WDR72: variants seen among roughly 807,000 people sequenced by gnomAD.
WDR72 encodes the protein WD repeat-containing protein 72.
A neutral mutation model predicts 124.2 loss-of-function variants in WDR72; 120 were observed. That is an observed-to-expected ratio of 0.97 (90% CI 0.83 to 1.12). The LOEUF (loss-of-function observed/expected upper bound fraction) is 1.12, where lower values mean the gene tolerates loss of function less well. Ranked by LOEUF, WDR72 falls within the 50% of genes most tolerant of loss-of-function variation. WDR72 has a pLI of 0.00. For synonymous variants in WDR72, 452 were observed against 441.7 expected (o/e 1.02, Z -0.29); for missense variants, 1,387 against 1,278.8 (o/e 1.08, Z -1.29).
intron 18 of WDR72, among the ~76,000 whole-genome samples, chr15:53,538,990 T>C (rs952811755): frequency 1.3e-5 from 2 of 151,942 alleles, no homozygotes; most frequent in African/African-American, 4.8e-5. Flanking sequence ...AATTTCAAAA[T>C]AGTGATAGAA....
intron 1 of WDR72, among the ~76,000 whole-genome samples, chr15:53,757,663 A>AG (rs71132756): frequency 0.013 from 1,920 of 152,050 alleles, 36 homozygotes; most frequent in African/African-American, 0.045. Flanking sequence ...ATTAAAAAAA[A>AG]GAATTATTCA....
At position 53,516,050 on chromosome 15, in the gene WDR72, C is replaced by T. The variant is rs1157209541; in HGVS notation, c.*1649G>A. The stretch of plus-strand genomic sequence containing the variant: ...TATAATCCATCGCCTAACTTGCTAC[C>T]TTCCTTTATTTTGAAACTTGTTTGA... On this transcript the variant is annotated 3_prime_UTR_variant, in exon 20 of 20. Coordinates refer to ENST00000360509, the MANE Select transcript of WDR72 (RefSeq NM_182758.4). 1 of 152,044 alleles carries T rather than the reference C, an allele frequency of 6.6e-6. No homozygotes were observed. The highest frequency in any genetic ancestry group is 1.5e-5 in the Non-Finnish European group (1 of 67,972). The allele number at this position is 152,044 out of a possible 1,614,324, so 9.4% of individuals were successfully genotyped here.
rs151066483 is a variant in WDR72, at chr15:53,617,632, A to C, written c.1963-1389T>G. Reference sequence around the variant, plus strand: ...AGAAGAGGCTCTTACAGATGGATGAATGGGCAAAGATAATAACAATTCACA... The same window carrying C: ...AGAAGAGGCTCTTACAGATGGATGACTGGGCAAAGATAATAACAATTCACA... On this transcript the variant is annotated intron_variant, in intron 14 of 19. Transcript: ENST00000360509. 2.7e-3 allele frequency among the ~76,000 whole-genome samples: 405 copies of C among 151,922 alleles called. 3 individuals are homozygous for C. The highest frequency in any genetic ancestry group is 9.3e-3 in the African/African-American group (386 of 41,528).
At chr15:53,646,845 G>C (rs10518732) in intron 14 of WDR72, among the ~76,000 whole-genome samples, 37,172 of 151,924 alleles carry the variant, frequency 0.24, 4,966 homozygotes, top group East Asian at 0.46. Flanking sequence ...TGGCCAAATA[G>C]GTGTAATAAA....
At chr15:53,568,296 T>A (rs1894376309) in intron 18 of WDR72, among the ~76,000 whole-genome samples, 1 of 151,786 alleles carries the variant, frequency 6.6e-6, no homozygotes, top group South Asian at 2.1e-4. Flanking sequence ...AGCTTTTGTT[T>A]TTTACAGACC....
intron 18 of WDR72, 65 bp from the exon 19 acceptor site, chr15:53,523,387 A>T: frequency 6.9e-7 from 1 of 1,459,040 alleles, no homozygotes; most frequent in Non-Finnish European, 9.5e-7. Context: ...AGTAGCAAAC[A>T]CCATTAAAAC....
At chr15:53,645,115 C>T (rs1595816338) in intron 14 of WDR72, among the ~76,000 whole-genome samples, 1 of 152,050 alleles carries the variant, frequency 6.6e-6, no homozygotes, top group South Asian at 2.1e-4. Context: ...CCTGCTTTAG[C>T]GAACTGTATC....
rs1287015069 is a variant in WDR72, at chr15:53,704,969, T to A, written c.1348+19A>T. On this transcript the variant is annotated intron_variant, in intron 11 of 19. Coordinates refer to ENST00000360509, the MANE Select transcript of WDR72 (RefSeq NM_182758.4). ...CTTTAGATAAATCAAATAAATAGGG[T>A]CAAATAAAATTCAAGGACCTTTTAC... 3 of 1,612,898 alleles carry A rather than the reference T, an allele frequency of 1.9e-6. No individual in the cohort carries two copies. Among genetic ancestry groups the A allele is most frequent in the Non-Finnish European group, 2.5e-6 (3 of 1,179,884 alleles).
Position 53,700,009 on chromosome 15 carries a change from AT to A in WDR72, c.1570-65del. ...AATGCTTTCTTTATGAGTAAGTCAG[AT>A]TTTTTTCTCCCAGTAACATAAAAAA... On this transcript the variant is annotated intron_variant, in intron 12 of 19. Transcript: ENST00000360509. 7 of 1,597,872 alleles carry A rather than the reference AT, an allele frequency of 4.4e-6. No homozygotes were observed. The South Asian group carries it at 7.8e-5, about 18-fold the overall frequency.
intron 18 of WDR72, among the ~76,000 whole-genome samples, chr15:53,523,575 A>G (rs1433285496): frequency 1.3e-5 from 2 of 152,100 alleles, no homozygotes. Context: ...TAAAAGCTAC[A>G]AAGTAACAAA....
intron 14 of WDR72, among the ~76,000 whole-genome samples, chr15:53,634,930 T>C (rs537215602): frequency 1.3e-5 from 2 of 152,212 alleles, no homozygotes; most frequent in Non-Finnish European, 2.9e-5. Flanking sequence ...CCACTTTTCC[T>C]GTCAGGGAGG....
chr15:53,740,621 C>T (rs1392080570), intron 1 of WDR72, among the ~76,000 whole-genome samples: 1 of 152,190 alleles, frequency 6.6e-6, no homozygotes, highest in Non-Finnish European at 1.5e-5. Flanking sequence ...CTTCTACATT[C>T]CTTCTGAAAT....
intron 17 of WDR72, among the ~76,000 whole-genome samples, chr15:53,597,808 G>A (rs1283533402): frequency 2.6e-5 from 4 of 152,102 alleles, no homozygotes; most frequent in South Asian, 2.1e-4. Context: ...TGCAAGGCAC[G>A]TCTTCCAATT....
intron 17 of WDR72, among the ~76,000 whole-genome samples, chr15:53,602,595 CTAAT>C (rs1481712201): frequency 6.6e-6 from 1 of 151,766 alleles, no homozygotes; most frequent in African/African-American, 2.4e-5. Context: ...ACTCACTAGA[CTAAT>C]AAAGAAGAAA....
chr15:53,599,470 T>A (rs1200590905), intron 17 of WDR72, among the ~76,000 whole-genome samples: 1 of 152,116 alleles, frequency 6.6e-6, no homozygotes, highest in Non-Finnish European at 1.5e-5. Flanking sequence ...CTTCATGTTC[T>A]CACTTAAAAA....
chr15:53,688,491 G>T (rs1308166033), intron 13 of WDR72, among the ~76,000 whole-genome samples: 2 of 151,858 alleles, frequency 1.3e-5, no homozygotes, highest in African/African-American at 4.8e-5. Flanking sequence ...AAATACCTAG[G>T]AATCCAACTT....
chr15:53,521,396 T>C (rs1566939175), intron 19 of WDR72, among the ~76,000 whole-genome samples: 1 of 152,006 alleles, frequency 6.6e-6, no homozygotes, highest in Non-Finnish European at 1.5e-5. Flanking sequence ...GTGAGACCAG[T>C]AGTGAACTCT....
intron 2 of WDR72, among the ~76,000 whole-genome samples, chr15:53,725,785 G>A (rs2018005937): frequency 1.3e-5 from 2 of 152,106 alleles, no homozygotes; most frequent in Non-Finnish European, 2.9e-5. Flanking sequence ...GGTTGTCAGG[G>A]GTTTGTGGGG....
At chr15:53,726,650 T>G (rs541439541) in intron 2 of WDR72, among the ~76,000 whole-genome samples, 23 of 152,130 alleles carry the variant, frequency 1.5e-4, no homozygotes, top group African/African-American at 5.5e-4. Flanking sequence ...AAGACCAGCC[T>G]GGGCAATGTA....
Sources: gnomAD v4.1 joint callset for allele counts (sites outside exome capture counted in the v4.1 genomes callset) on GRCh38, gnomAD v4.1.1 for gene constraint, MANE v1.5 for transcripts, NCBI Gene and HGNC (gene_info 2026-07-23, HGNC 2026-07-21) for gene names.